Variants in CADM2 observed in about 807,000 individuals in gnomAD.
CADM2 encodes the protein cell adhesion molecule 2.
In CADM2, 12 loss-of-function variants were observed where a neutral mutation model predicts 49.8. That is an observed-to-expected ratio of 0.24 (90% CI 0.15 to 0.39). CADM2 has a LOEUF of 0.39. CADM2 is among the 10% of genes least tolerant of loss of function. The probability of loss-of-function intolerance (pLI) is 1.00; values close to 1 mark genes in which losing one functional copy is unlikely to be tolerated. For missense variants in CADM2, 378 were observed against 492.3 expected, an observed-to-expected ratio of 0.77 and a Z score of 2.20; for synonymous variants, 214 against 175.4, an observed-to-expected ratio of 1.22 and a Z score of -1.74.
At chr3:85,287,032 T>G (rs184435529) in intron 1 of CADM2, among the ~76,000 whole-genome samples, 1 of 152,268 alleles carries the variant, frequency 6.6e-6, no homozygotes, top group African/African-American at 2.4e-5. Context: ...CTCTGAAAAT[T>G]TATTTTTTAT....
chr3:85,497,964 G>A (rs975273753), intron 1 of CADM2, among the ~76,000 whole-genome samples: 1 of 151,660 alleles, frequency 6.6e-6, no homozygotes, highest in Non-Finnish European at 1.5e-5. Flanking sequence ...CTGTATTTGT[G>A]AAATTGCCTA....
At chr3:85,583,053 A>G (rs1192794355) in intron 1 of CADM2, among the ~76,000 whole-genome samples, 1 of 152,164 alleles carries the variant, frequency 6.6e-6, no homozygotes, top group African/African-American at 2.4e-5. Flanking sequence ...AGTGCTGAAT[A>G]TATGTTGGTG....
chr3:85,000,444 CA>C (rs1553666583), intron 1 of CADM2, among the ~76,000 whole-genome samples: 1 of 148,232 alleles, frequency 6.7e-6, no homozygotes, highest in Non-Finnish European at 1.5e-5. Flanking sequence ...TGACTTTGTT[CA>C]CAAAAAAAAA....
At chr3:85,993,901 G>A (rs1293279016) in intron 8 of CADM2, 1 of 151,960 alleles carries the variant, frequency 6.6e-6, no homozygotes, top group Non-Finnish European at 1.5e-5. Flanking sequence ...TTATAACATT[G>A]ATGGAGCACA....
chr3:85,682,841 G>A (rs1168566208), intron 1 of CADM2, among the ~76,000 whole-genome samples: 2 of 152,020 alleles, frequency 1.3e-5, no homozygotes. Context: ...ACTATATAAT[G>A]AGTCTTCTGT....
chr3:85,182,590 T>A (rs1433536543), intron 1 of CADM2, among the ~76,000 whole-genome samples: 2 of 152,106 alleles, frequency 1.3e-5, no homozygotes, highest in Non-Finnish European at 2.9e-5. Context: ...TAACATTGTA[T>A]GTTAGCTTGG....
Position 85,578,215 on chromosome 3 carries a change from G to A in CADM2, c.62-148307G>A, listed in dbSNP as rs376024302. On this transcript the variant is annotated intron_variant, in intron 1 of 9. Transcript: ENST00000383699. ...AATAGGTGTCATGTGATGACAGGTA[G>A]GAAGTCTGCATTGTCAGATGCACTA... Among the ~76,000 whole-genome samples the A allele has an allele frequency of 2.0e-4, 31 of 152,168 alleles. 1 individual carries two copies. The East Asian group carries it at 3.1e-3, about 15-fold the overall frequency.
chr3:85,693,276 G>C (rs931817312), intron 1 of CADM2, among the ~76,000 whole-genome samples: 3 of 149,722 alleles, frequency 2.0e-5, no homozygotes, highest in African/African-American at 7.4e-5. Flanking sequence ...AAGGAAGGAA[G>C]GAATGAAGAA....
intron 1 of CADM2, among the ~76,000 whole-genome samples, chr3:85,200,549 AG>A (rs1279711070): frequency 1.3e-5 from 2 of 152,124 alleles, no homozygotes; most frequent in African/African-American, 4.8e-5. Flanking sequence ...GTCATCAATT[AG>A]GAAAAAATGA....
chr3:85,247,641 G>T (rs1280331918), intron 1 of CADM2, among the ~76,000 whole-genome samples: 1 of 152,016 alleles, frequency 6.6e-6, no homozygotes, highest in Non-Finnish European at 1.5e-5. Flanking sequence ...AATTATTTAG[G>T]AGCTGCGAAT....
intron 8 of CADM2, among the ~76,000 whole-genome samples, chr3:86,024,827 T>C (rs6804410): frequency 0.095 from 14,366 of 151,888 alleles, 1,583 homozygotes; most frequent in African/African-American, 0.26. Context: ...GTATAGATTA[T>C]TAAGCTCCAC....
chr3:85,129,613 A>T (rs60184399), intron 1 of CADM2, among the ~76,000 whole-genome samples: 1 of 152,110 alleles, frequency 6.6e-6, no homozygotes, highest in Non-Finnish European at 1.5e-5. Context: ...GCCAGCACAC[A>T]CATTCTTATC....
intron 8 of CADM2, among the ~76,000 whole-genome samples, chr3:86,017,610 T>A (rs1732452265): frequency 6.6e-6 from 1 of 150,986 alleles, no homozygotes; most frequent in African/African-American, 2.4e-5. Context: ...ACACGTGTAG[T>A]CTCAGCTCTT....
intron 1 of CADM2, among the ~76,000 whole-genome samples, chr3:85,533,803 A>C (rs2106976161): frequency 6.6e-6 from 1 of 152,306 alleles, no homozygotes; most frequent in South Asian, 2.1e-4. Context: ...GAAGCCATGC[A>C]CCATGGAGGC....
intron 3 of CADM2, among the ~76,000 whole-genome samples, chr3:85,850,617 C>A (rs2075070547): frequency 6.6e-6 from 1 of 152,030 alleles, no homozygotes; most frequent in Non-Finnish European, 1.5e-5. Context: ...CGTGAGCCAC[C>A]GCACCCAGCC....
At chr3:85,731,933 T>A (rs907506209) in intron 2 of CADM2, among the ~76,000 whole-genome samples, 1 of 151,872 alleles carries the variant, frequency 6.6e-6, no homozygotes. Context: ...ACTACTTTTT[T>A]AAAGCTATTT....
At chr3:85,891,729 C>A (rs1235916914) in intron 5 of CADM2, among the ~76,000 whole-genome samples, 3 of 152,136 alleles carry the variant, frequency 2.0e-5, no homozygotes, top group Non-Finnish European at 4.4e-5. Context: ...TGAAAGCAGT[C>A]CCAGGTGATA....
At chr3:85,137,163 A>G (rs2039437009) in intron 1 of CADM2, among the ~76,000 whole-genome samples, 1 of 151,896 alleles carries the variant, frequency 6.6e-6, no homozygotes, top group South Asian at 2.1e-4. Context: ...AATTAAATCA[A>G]TGAAGTGGAT....
At chr3:85,212,875 TTTCTTTCTTTCTCTTTCTTTC>T (rs1291691239) in intron 1 of CADM2, among the ~76,000 whole-genome samples, 220 of 133,176 alleles carry the variant, frequency 1.7e-3, no homozygotes, top group African/African-American at 7.0e-3. Context: ...TCTTTCTTTC[TTTCTTTCTTTCTCTTTCTTTC>T]TTTTAATGGA....
Sources: gnomAD v4.1 joint callset for allele counts (sites outside exome capture counted in the v4.1 genomes callset) on GRCh38, gnomAD v4.1.1 for gene constraint, MANE v1.5 for transcripts, NCBI Gene and HGNC (gene_info 2026-07-23, HGNC 2026-07-21) for gene names.